The following MCTP2 variants were observed in gnomAD, a reference collection of about 807,000 sequenced individuals.
MCTP2 encodes the protein multiple C2 and transmembrane domain-containing protein 2.
In MCTP2, 132 loss-of-function variants were observed where a neutral mutation model predicts 111.6. The ratio of observed to expected loss-of-function variants is 1.18; its 90% CI spans 1.03 to 1.37. MCTP2 has a LOEUF of 1.37. Ranked by LOEUF, MCTP2 falls within the 40% of genes most tolerant of loss-of-function variation. The probability of loss-of-function intolerance (pLI) is 0.00; values close to 1 mark genes in which losing one functional copy is unlikely to be tolerated. For synonymous variants in MCTP2, 395 were observed against 387.7 expected (o/e 1.02, Z -0.22); for missense variants, 1,183 against 1,067.9 (o/e 1.11, Z -1.50).
At chr15:94,323,095 G>A (rs890618240) in intron 4 of MCTP2, among the ~76,000 whole-genome samples, 2 of 152,204 alleles carry the variant, frequency 1.3e-5, no homozygotes, top group Non-Finnish European at 2.9e-5. Flanking sequence ...GAGCTGGTAT[G>A]TTAAGCAGGT....
chr15:94,358,746 T>C, intron 10 of MCTP2, 134 bp downstream of exon 10: 1 of 1,006,266 alleles, frequency 9.9e-7, no homozygotes, highest in Admixed American at 3.1e-5. Flanking sequence ...GTGAGCTGGA[T>C]GGCCAGTCCT....
At chr15:94,339,240 G>C in intron 4 of MCTP2, 50 bp from the exon 5 acceptor site, 1 of 1,394,556 alleles carries the variant, frequency 7.2e-7, no homozygotes, top group Non-Finnish European at 9.8e-7. Context: ...AAAGTCCCAG[G>C]CTTTTACATG....
intron 12 of MCTP2, among the ~76,000 whole-genome samples, chr15:94,373,903 C>T (rs2079616018): frequency 6.6e-6 from 1 of 152,166 alleles, no homozygotes; most frequent in South Asian, 2.1e-4. Context: ...ATTCATGAAA[C>T]AAATGATAAA....
chr15:94,236,039 CATG>C (rs1248840714), intron 1 of MCTP2, among the ~76,000 whole-genome samples: 6 of 152,206 alleles, frequency 3.9e-5, no homozygotes, highest in Non-Finnish European at 7.3e-5. Context: ...AGTGAATAGA[CATG>C]ATTCCATATA....
intron 14 of MCTP2, among the ~76,000 whole-genome samples, chr15:94,397,134 A>G (rs1318554078): frequency 6.6e-6 from 1 of 152,062 alleles, no homozygotes; most frequent in African/African-American, 2.4e-5. Context: ...CTTATATTCT[A>G]TTTTTTAAGA....
At chr15:94,277,441 C>T (rs1019243533) in intron 1 of MCTP2, among the ~76,000 whole-genome samples, 1 of 151,916 alleles carries the variant, frequency 6.6e-6, no homozygotes, top group Non-Finnish European at 1.5e-5. Context: ...CTTCAGTAGT[C>T]AAATGGATAA....
chr15:94,285,930 G>T (rs941912349), intron 1 of MCTP2, among the ~76,000 whole-genome samples: 2 of 152,092 alleles, frequency 1.3e-5, no homozygotes, highest in Non-Finnish European at 2.9e-5. Flanking sequence ...TCTTTTAGTT[G>T]ATCTTAATTT....
At chr15:94,468,785 C>T (rs552710291) in intron 20 of MCTP2, among the ~76,000 whole-genome samples, 10 of 152,196 alleles carry the variant, frequency 6.6e-5, no homozygotes, top group African/African-American at 2.4e-4. Context: ...CACGCCACCA[C>T]ACCCGGCTAA....
chr15:94,437,653 G>C (rs2083553993), intron 17 of MCTP2, among the ~76,000 whole-genome samples: 1 of 152,044 alleles, frequency 6.6e-6, no homozygotes, highest in Admixed American at 6.5e-5. Flanking sequence ...ACGTGGAAGA[G>C]TAAAGGGTGA....
chr15:94,244,200 A>G (rs1184254978), intron 1 of MCTP2, among the ~76,000 whole-genome samples: 11 of 145,512 alleles, frequency 7.6e-5, no homozygotes, highest in South Asian at 2.1e-4. Context: ...GTTTATATAC[A>G]CGTGTATACA....
At chr15:94,419,835 C>A (rs1459142496) in intron 17 of MCTP2, among the ~76,000 whole-genome samples, 1 of 151,538 alleles carries the variant, frequency 6.6e-6, no homozygotes, top group African/African-American at 2.4e-5. Context: ...TACAAAAAAG[C>A]AAGTTATCCA....
At chr15:94,259,826 A>C (rs1302089824) in intron 1 of MCTP2, among the ~76,000 whole-genome samples, 4 of 152,172 alleles carry the variant, frequency 2.6e-5, no homozygotes, top group Non-Finnish European at 5.9e-5. Flanking sequence ...CCAGGTCTCT[A>C]CTGTAGGGAA....
chr15:94,456,966 G>T (rs1051617239), intron 19 of MCTP2, among the ~76,000 whole-genome samples: 2 of 152,156 alleles, frequency 1.3e-5, no homozygotes, highest in African/African-American at 4.8e-5. Flanking sequence ...CTCCATCCAT[G>T]ACTCCAGTTT....
intron 9 of MCTP2, among the ~76,000 whole-genome samples, chr15:94,357,570 T>TG (rs2078699235): frequency 1.3e-5 from 2 of 152,084 alleles, no homozygotes; most frequent in Admixed American, 1.3e-4. Context: ...TTTTTGTTTT[T>TG]TTCCCAACCT....
intron 1 of MCTP2, among the ~76,000 whole-genome samples, chr15:94,260,212 A>G (rs2073101890): frequency 6.6e-6 from 1 of 152,132 alleles, no homozygotes; most frequent in Non-Finnish European, 1.5e-5. Flanking sequence ...CAATAAGGGT[A>G]TGCGAAAATT....
intron 12 of MCTP2, among the ~76,000 whole-genome samples, chr15:94,377,656 G>GATTCTCT (rs2079851195): frequency 6.6e-6 from 1 of 152,076 alleles, no homozygotes; most frequent in Admixed American, 6.6e-5. Flanking sequence ...GATTTTTCCT[G>GATTCTCT]GTGATATGGT....
intron 4 of MCTP2, among the ~76,000 whole-genome samples, chr15:94,318,590 G>C (rs556860494): frequency 6.6e-6 from 1 of 152,228 alleles, no homozygotes; most frequent in South Asian, 2.1e-4. Context: ...TTTAAGTTTA[G>C]GGATATATAC....
Position 94,236,377 on chromosome 15 carries a change from C to CTTTTTTTTTTTTTTTTTTTTTT in MCTP2, c.-66+4720_-66+4741dup, listed in dbSNP as rs71132992. Reference sequence around the variant, plus strand: ...TATGATTCAATCCTTTCTTTTTTTTCTTTTTTTTTTTTTTTTTTTTTTTTT... The same window carrying CTTTTTTTTTTTTTTTTTTTTTT: ...TATGATTCAATCCTTTCTTTTTTTTCTTTTTTTTTTTTTTTTTTTTTTTTTTTTTTTTTTTTTTTTTTTTTTT... On this transcript the variant is annotated intron_variant, in intron 1 of 22. Coordinates refer to ENST00000357742, the MANE Select transcript of MCTP2 (RefSeq NM_001385001.1). Among the ~76,000 whole-genome samples, 7 of 72,514 alleles carry CTTTTTTTTTTTTTTTTTTTTTT rather than the reference C, an allele frequency of 9.7e-5. 2 individuals are homozygous for CTTTTTTTTTTTTTTTTTTTTTT. The highest frequency in any genetic ancestry group is 2.6e-4 in the African/African-American group (5 of 19,030). 47.6% of individuals were successfully genotyped at this position (72,514 alleles called of 152,430 possible). A position where few individuals can be genotyped will look rare whatever the true frequency, so the allele number is the denominator to read the frequency against.
At position 94,355,454 on chromosome 15, in the gene MCTP2, G is replaced by T. The variant is rs139863623; in HGVS notation, c.1006-683G>T. ...AGGACATTTGCCTTTTTCCTCCAAG[G>T]TATGTATGAGTGTGAGTAATATAAT... is the stretch of plus-strand genomic sequence containing the variant. On this transcript the variant is annotated intron_variant, in intron 8 of 22. Transcript: ENST00000357742. Among the ~76,000 whole-genome samples the T allele has an allele frequency of 1.6e-4, 25 of 152,272 alleles. 2 individuals carry two copies. In the East Asian group the frequency reaches 4.2e-3, roughly 26 times the overall value.
Sources: gnomAD v4.1 joint callset for allele counts (sites outside exome capture counted in the v4.1 genomes callset) on GRCh38, gnomAD v4.1.1 for gene constraint, MANE v1.5 for transcripts, NCBI Gene and HGNC (gene_info 2026-07-23, HGNC 2026-07-21) for gene names.